Variants in FBXL17 observed in about 807,000 individuals in gnomAD.
FBXL17 encodes the protein F-box and leucine rich repeat protein 17, also known as F-box/LRR-repeat protein 17.
FBXL17 carries 22 observed loss-of-function variants against 66.2 expected under a neutral mutation model. That is an observed-to-expected ratio of 0.33 (90% CI 0.24 to 0.47). The LOEUF is 0.47. Among genes scored for constraint, FBXL17 ranks in the 20% least tolerant of loss-of-function variants. The pLI, the probability that FBXL17 is intolerant of heterozygous loss-of-function variation, is 1.00. For missense variants in FBXL17, 878 were observed against 948.2 expected, an observed-to-expected ratio of 0.93 and a Z score of 0.97; for synonymous variants, 474 against 400.5, an observed-to-expected ratio of 1.18 and a Z score of -2.19.
rs1013046623 is a variant in FBXL17 at position 108,048,262 on chromosome 5, TCAA to T, written c.1746-27264_1746-27262del. ...CAAACAGAAAGCAACAACAACAGCA[TCAA>T]CAACAACAACAGAAGTCCCCACACA... On this transcript the variant is annotated intron_variant, in intron 6 of 8. Transcript: ENST00000542267. 1.1e-4 allele frequency among the ~76,000 whole-genome samples: 17 copies of T among 152,014 alleles called. No homozygotes were observed. The Middle Eastern group carries it at 0.014, about 122-fold the overall frequency.
At chr5:108,358,260 C>G (rs925950940) in intron 3 of FBXL17, among the ~76,000 whole-genome samples, 1 of 152,090 alleles carries the variant, frequency 6.6e-6, no homozygotes, top group Non-Finnish European at 1.5e-5. Flanking sequence ...TATTCTTGAT[C>G]TTAAGGAAAA....
chr5:108,282,364 T>C (rs1467472451), intron 4 of FBXL17, among the ~76,000 whole-genome samples: 1 of 151,668 alleles, frequency 6.6e-6, no homozygotes, highest in Non-Finnish European at 1.5e-5. Context: ...GGTTCAACAT[T>C]TGCAAATCAA....
intron 7 of FBXL17, among the ~76,000 whole-genome samples, chr5:107,969,316 C>A (rs552641526): frequency 1.3e-5 from 2 of 152,180 alleles, no homozygotes; most frequent in South Asian, 2.1e-4. Context: ...GATTAGTACA[C>A]TTTAGTATAC....
intron 7 of FBXL17, among the ~76,000 whole-genome samples, chr5:108,001,199 A>G (rs912219758): frequency 6.6e-6 from 1 of 152,172 alleles, no homozygotes; most frequent in Non-Finnish European, 1.5e-5. Context: ...ATATACATAT[A>G]TATGTAAAAC....
intron 4 of FBXL17, among the ~76,000 whole-genome samples, chr5:108,255,117 T>A (rs952863003): frequency 6.6e-6 from 1 of 152,132 alleles, no homozygotes; most frequent in Non-Finnish European, 1.5e-5. Flanking sequence ...TACATACACA[T>A]ACATACATAC....
chr5:108,265,196 A>G (rs981681010), intron 4 of FBXL17, among the ~76,000 whole-genome samples: 7 of 152,142 alleles, frequency 4.6e-5, no homozygotes, highest in African/African-American at 1.7e-4. Flanking sequence ...AACCTGAGGC[A>G]GCTGTTACTT....
intron 7 of FBXL17, among the ~76,000 whole-genome samples, chr5:107,953,570 C>T (rs1208801070): frequency 6.6e-6 from 1 of 152,102 alleles, no homozygotes; most frequent in Non-Finnish European, 1.5e-5. Context: ...TTTGGTATCT[C>T]ATTTGTTCTC....
chr5:108,124,652 T>C (rs927147325), intron 6 of FBXL17, among the ~76,000 whole-genome samples: 1 of 152,066 alleles, frequency 6.6e-6, no homozygotes, highest in Admixed American at 6.6e-5. Flanking sequence ...TACCTGTACA[T>C]TGAAAATATT....
chr5:108,311,603 G>T (rs528251758), intron 4 of FBXL17, among the ~76,000 whole-genome samples: 1 of 152,038 alleles, frequency 6.6e-6, no homozygotes, highest in South Asian at 2.1e-4. Flanking sequence ...TCCACCACTG[G>T]TATCTCTCCT....
intron 4 of FBXL17, among the ~76,000 whole-genome samples, chr5:108,241,479 A>T (rs367801301): frequency 2.6e-5 from 4 of 152,162 alleles, no homozygotes; most frequent in East Asian, 1.9e-4. Flanking sequence ...AAAAAAGAAT[A>T]AAGAATGCCT....
chr5:108,344,532 A>T (rs1747124601), intron 4 of FBXL17, among the ~76,000 whole-genome samples: 1 of 152,196 alleles, frequency 6.6e-6, no homozygotes, highest in African/African-American at 2.4e-5. Flanking sequence ...ACGCATACAG[A>T]TCTACATCAA....
intron 6 of FBXL17, among the ~76,000 whole-genome samples, chr5:108,125,996 GA>G (rs1242650198): frequency 6.6e-6 from 1 of 152,018 alleles, no homozygotes; most frequent in East Asian, 1.9e-4. Context: ...CCCACAAGTG[GA>G]AAAATCCTAT....
At chr5:108,191,542 GA>G (rs2150038524) in intron 5 of FBXL17, among the ~76,000 whole-genome samples, 1 of 152,316 alleles carries the variant, frequency 6.6e-6, no homozygotes, top group East Asian at 1.9e-4. Context: ...TCATAGGAAA[GA>G]TAACTGAGTG....
chr5:108,212,833 T>G (rs369273300), intron 5 of FBXL17, among the ~76,000 whole-genome samples: 1 of 152,072 alleles, frequency 6.6e-6, no homozygotes, highest in Non-Finnish European at 1.5e-5. Context: ...TTAGCAGAGG[T>G]TGAATGCTGT....
In FBXL17 at chr5:108,177,932, T is replaced by TATATATATACAC. The variant is rs1242739302; in HGVS notation, c.1745+8184_1745+8185insGTGTATATATAT. On this transcript the variant is annotated intron_variant, in intron 6 of 8. Transcript: ENST00000542267. ...AAATGTATATATATATATATATATA[T>TATATATATACAC]ACACACACACACTATTACCTCACTA... Among the ~76,000 whole-genome samples the TATATATATACAC allele has an allele frequency of 2.5e-4, 32 of 126,834 alleles. 1 individual carries two copies. Among genetic ancestry groups the TATATATATACAC allele is most frequent in the Middle Eastern group, 4.1e-3 (1 of 244 alleles). 83.2% of individuals were successfully genotyped at this position (126,834 alleles called of 152,430 possible).
chr5:107,992,760 C>A (rs1409967179), intron 7 of FBXL17, among the ~76,000 whole-genome samples: 1 of 152,098 alleles, frequency 6.6e-6, no homozygotes, highest in Non-Finnish European at 1.5e-5. Context: ...TTTATATATC[C>A]CTACCTACTT....
chr5:107,945,598 A>T (rs1027159638), intron 7 of FBXL17, among the ~76,000 whole-genome samples: 2 of 152,168 alleles, frequency 1.3e-5, no homozygotes, highest in Non-Finnish European at 2.9e-5. Context: ...GCCAAGAAAC[A>T]AACAAACAAA....
At chr5:107,948,683 T>C (rs1751394050) in intron 7 of FBXL17, among the ~76,000 whole-genome samples, 1 of 152,236 alleles carries the variant, frequency 6.6e-6, no homozygotes, top group Admixed American at 6.5e-5. Context: ...TTCCTTGGCC[T>C]TCAAGGCATA....
At chr5:108,376,231 T>C (rs1749413072) in intron 1 of FBXL17, among the ~76,000 whole-genome samples, 1 of 152,212 alleles carries the variant, frequency 6.6e-6, no homozygotes, top group Non-Finnish European at 1.5e-5. Flanking sequence ...CAAGGATTTC[T>C]GCATCATGAC....
Sources: allele counts gnomAD v4.1 joint callset (sites outside exome capture counted in the v4.1 genomes callset), GRCh38; gene constraint gnomAD v4.1.1; transcripts MANE v1.5; gene names NCBI Gene and HGNC (gene_info 2026-07-23, HGNC 2026-07-21).